Variants in CDH8 observed in about 807,000 individuals in gnomAD.
The protein encoded by CDH8 is cadherin 8.
Under a neutral mutation model 68.1 loss-of-function variants are expected in CDH8, and 17 were observed. That is an observed-to-expected ratio of 0.25 (90% CI 0.17 to 0.37). The LOEUF (loss-of-function observed/expected upper bound fraction) is 0.37. Ranked by LOEUF, CDH8 falls within the 10% of genes least tolerant of loss-of-function variation. The pLI is 1.00. For missense variants in CDH8, 763 were observed against 999.3 expected, an observed-to-expected ratio of 0.76 and a Z score of 3.19; for synonymous variants, 372 against 365.1, an observed-to-expected ratio of 1.02 and a Z score of -0.21.
chr16:61,857,357 C>T lies in CDH8; in HGVS notation c.548-119G>A, dbSNP rs925708564. 2.8e-5 allele frequency: 25 copies of T among 908,526 alleles called. No homozygotes were observed. The African/African-American group carries it at 4.1e-4, about 15-fold the overall frequency. 56.3% of individuals were successfully genotyped at this position (908,526 alleles called of 1,614,324 possible). On this transcript the variant is annotated intron_variant, in intron 3 of 11. Transcript: ENST00000577390. ...TGTAGGGAATAAAAGGAAAAGAAATCTTTTTAAAAAGTTGAAGATAAACTG... is the reference window on the plus strand; with the variant it reads ...TGTAGGGAATAAAAGGAAAAGAAATTTTTTTAAAAAGTTGAAGATAAACTG...
At chr16:62,010,248 C>T (rs1279207546) in intron 2 of CDH8, among the ~76,000 whole-genome samples, 6 of 152,204 alleles carry the variant, frequency 3.9e-5, no homozygotes, top group Admixed American at 3.9e-4. Flanking sequence ...TCTTACTAAA[C>T]CTTTTACATT....
intron 10 of CDH8, among the ~76,000 whole-genome samples, chr16:61,675,440 G>A (rs1963883631): frequency 7.7e-6 from 1 of 129,432 alleles, no homozygotes; most frequent in East Asian, 2.4e-4. Flanking sequence ...CACACTCTGG[G>A]GACTGTGGTG....
chr16:61,657,148 C>T (rs1184021615), intron 10 of CDH8, among the ~76,000 whole-genome samples: 2 of 151,754 alleles, frequency 1.3e-5, no homozygotes, highest in African/African-American at 2.4e-5. Flanking sequence ...CAAACCATTG[C>T]CATCCAATTT....
rs528955962 is a variant in CDH8 at position 61,750,452 on chromosome 16, T to C, written c.1415-23237A>G. ...ACTAATGTTTTAGTGACCAAACTTA[T>C]ATTGGGAAAGTTGTATCTCAGGGTT... On this transcript the variant is annotated intron_variant, in intron 8 of 11. Coordinates refer to ENST00000577390, the MANE Select transcript of CDH8 (RefSeq NM_001796.5). Among the ~76,000 whole-genome samples, 137 of 152,236 alleles carry C rather than the reference T, an allele frequency of 9.0e-4. 3 individuals carry two copies. In the South Asian group the frequency reaches 0.027, roughly 29 times the overall value.
At chr16:61,729,452 A>G (rs949121967) in intron 8 of CDH8, among the ~76,000 whole-genome samples, 3 of 151,260 alleles carry the variant, frequency 2.0e-5, no homozygotes, top group Non-Finnish European at 3.0e-5. Flanking sequence ...ACCATCATGA[A>G]GAGTTTCAGA....
At chr16:61,768,355 TCTCTCTCTCTCTCC>T (rs1960667203) in intron 8 of CDH8, among the ~76,000 whole-genome samples, 1 of 111,520 alleles carries the variant, frequency 9.0e-6, no homozygotes, top group African/African-American at 3.7e-5. Context: ...TCTCTCTCTC[TCTCTCTCTCTCTCC>T]CTTTCTCTCT....
At chr16:61,669,072 G>T (rs867284130) in intron 10 of CDH8, among the ~76,000 whole-genome samples, 1 of 151,952 alleles carries the variant, frequency 6.6e-6, no homozygotes, top group Non-Finnish European at 1.5e-5. Flanking sequence ...TAAATAACTT[G>T]CTTTGATTTG....
chr16:61,953,397 T>A (rs1964927126), intron 2 of CDH8, among the ~76,000 whole-genome samples: 1 of 152,210 alleles, frequency 6.6e-6, no homozygotes, highest in Non-Finnish European at 1.5e-5. Flanking sequence ...TTAATTTATT[T>A]CTTGCTCACC....
intron 8 of CDH8, among the ~76,000 whole-genome samples, chr16:61,772,941 A>G (rs1960814560): frequency 6.6e-6 from 1 of 151,996 alleles, no homozygotes; most frequent in Non-Finnish European, 1.5e-5. Context: ...CTGAATTTGA[A>G]TGCTAATATT....
At chr16:61,708,582 T>C (rs1964573567) in intron 10 of CDH8, among the ~76,000 whole-genome samples, 1 of 152,216 alleles carries the variant, frequency 6.6e-6, no homozygotes, top group Non-Finnish European at 1.5e-5. Flanking sequence ...TGACACTAAG[T>C]GTACAGTCAT....
chr16:61,873,804 C>T (rs1963413313), intron 3 of CDH8, among the ~76,000 whole-genome samples: 1 of 152,092 alleles, frequency 6.6e-6, no homozygotes, highest in South Asian at 2.1e-4. Context: ...GCCTGTAATC[C>T]CAGCACTTTG....
rs923681323 is a variant in CDH8, at chr16:61,648,880, A to G, written c.*4728T>C. The G allele has an allele frequency of 6.6e-6, 1 of 151,988 alleles. No homozygotes were observed. Among genetic ancestry groups the G allele is most frequent in the African/African-American group, 2.4e-5 (1 of 41,442 alleles). 9.4% of individuals were successfully genotyped at this position (151,988 alleles called of 1,614,324 possible). On this transcript the variant is annotated 3_prime_UTR_variant, in exon 12 of 12. Transcript: ENST00000577390. ...TAGGACTAGAATATCTTCAATAGCAACAGTATACCATGTAATCCATAAATT... is the reference window on the plus strand; with the variant it reads ...TAGGACTAGAATATCTTCAATAGCAGCAGTATACCATGTAATCCATAAATT...
intron 9 of CDH8, among the ~76,000 whole-genome samples, chr16:61,721,763 C>T (rs908259766): frequency 2.7e-4 from 41 of 150,692 alleles, no homozygotes; most frequent in African/African-American, 7.8e-4. Context: ...GAGAGCATTG[C>T]GACATCCTAG....
chr16:61,942,075 T>C lies in CDH8; in HGVS notation c.253-40602A>G, dbSNP rs559488366. On this transcript the variant is annotated intron_variant, in intron 2 of 11. Transcript: ENST00000577390. ...TCTAAAAATATTCCTGAAGTCCCAG[T>C]TTTATTATTTCCAATGCTACCCATT... 1.1e-4 allele frequency among the ~76,000 whole-genome samples: 16 copies of C among 152,290 alleles called. 1 individual carries two copies. In the East Asian group the frequency reaches 3.1e-3, roughly 29 times the overall value.
At chr16:61,935,980 T>A (rs1964621281) in intron 2 of CDH8, among the ~76,000 whole-genome samples, 1 of 152,102 alleles carries the variant, frequency 6.6e-6, no homozygotes, top group African/African-American at 2.4e-5. Context: ...GGAACTGAAT[T>A]TACTGAGTTC....
At chr16:61,904,426 G>A (rs1964030411) in intron 2 of CDH8, among the ~76,000 whole-genome samples, 1 of 152,152 alleles carries the variant, frequency 6.6e-6, no homozygotes, top group African/African-American at 2.4e-5. Flanking sequence ...GTTCACATAT[G>A]TGCATCATGT....
chr16:61,795,871 G>T (rs1396450112), intron 7 of CDH8, among the ~76,000 whole-genome samples: 1 of 152,028 alleles, frequency 6.6e-6, no homozygotes, highest in Non-Finnish European at 1.5e-5. Context: ...ATGTTTCCTT[G>T]CTCACATCTT....
chr16:61,860,481 TAACA>T (rs1486480593), intron 3 of CDH8, among the ~76,000 whole-genome samples: 1 of 152,156 alleles, frequency 6.6e-6, no homozygotes, highest in African/African-American at 2.4e-5. Context: ...CCGAAAGAAC[TAACA>T]GAGTTCAGAG....
rs564054816 is a variant in CDH8, at chr16:61,688,707, G to A, written c.1654+25134C>T. ...ATTCTATCCTCAGGCAAGGGATGTC[G>A]TCTACTGAGAGACCTCAGGTAGATG... On this transcript the variant is annotated intron_variant, in intron 10 of 11. Transcript: ENST00000577390. 4.9e-4 allele frequency among the ~76,000 whole-genome samples: 74 copies of A among 151,946 alleles called. 1 individual carries two copies. Among genetic ancestry groups the A allele is most frequent in the Admixed American group, 2.7e-3 (41 of 15,226 alleles).
Sources: allele counts gnomAD v4.1 joint callset (sites outside exome capture counted in the v4.1 genomes callset), GRCh38; gene constraint gnomAD v4.1.1; transcripts MANE v1.5; gene names NCBI Gene and HGNC (gene_info 2026-07-23, HGNC 2026-07-21).